PLCE1: variants seen among roughly 807,000 people sequenced by gnomAD.
PLCE1 encodes the protein phospholipase C epsilon 1.
In PLCE1, 119 loss-of-function variants were observed where a neutral mutation model predicts 242.8. The observed-to-expected ratio is 0.49, with a 90% CI of 0.42 to 0.57. PLCE1 has a LOEUF of 0.57. Ranked by LOEUF, PLCE1 falls within the 20% of genes least tolerant of loss-of-function variation. PLCE1 has a pLI of 0.00. For missense variants in PLCE1, 2,441 were observed against 2,788.8 expected (o/e 0.88, Z 2.81); for synonymous variants, 945 against 1,017.4 (o/e 0.93, Z 1.35).
intron 19 of PLCE1, among the ~76,000 whole-genome samples, chr10:94,274,614 CTGGAAGTGGT>C (rs2051877501): frequency 6.6e-6 from 1 of 152,106 alleles, no homozygotes; most frequent in South Asian, 2.1e-4. Flanking sequence ...TACAGGACAG[CTGGAAGTGGT>C]GAGGACAGGA....
intron 1 of PLCE1, among the ~76,000 whole-genome samples, chr10:94,027,234 G>C (rs183691308): frequency 6.6e-6 from 1 of 152,282 alleles, no homozygotes; most frequent in Non-Finnish European, 1.5e-5. Context: ...TGCTTTAGAT[G>C]TTCTTCCTCT....
chr10:94,114,696 G>C (rs1455363208), intron 2 of PLCE1, among the ~76,000 whole-genome samples: 1 of 151,540 alleles, frequency 6.6e-6, no homozygotes, highest in Non-Finnish European at 1.5e-5. Flanking sequence ...TTGTGCCCTA[G>C]ACCTCATGAT....
chr10:94,180,821 T>G (rs2048288352), intron 4 of PLCE1, among the ~76,000 whole-genome samples: 1 of 152,244 alleles, frequency 6.6e-6, no homozygotes, highest in Non-Finnish European at 1.5e-5. Context: ...TTTCACCTTC[T>G]GCCATGTGAG....
chr10:94,143,961 G>A (rs746528869), intron 3 of PLCE1, among the ~76,000 whole-genome samples: 10 of 152,276 alleles, frequency 6.6e-5, no homozygotes, highest in African/African-American at 1.9e-4. Flanking sequence ...TGACAGTAGC[G>A]GGTATTTTGC....
intron 2 of PLCE1, among the ~76,000 whole-genome samples, chr10:94,129,929 T>C (rs1297891872): frequency 6.6e-6 from 1 of 152,174 alleles, no homozygotes; most frequent in Non-Finnish European, 1.5e-5. Context: ...TTTCCTATGC[T>C]TACTCCCTGC....
intron 2 of PLCE1, among the ~76,000 whole-genome samples, chr10:94,123,261 G>A (rs931110351): frequency 2.0e-5 from 3 of 152,148 alleles, no homozygotes; most frequent in African/African-American, 7.2e-5. Context: ...TTGCAGCTGC[G>A]AAATTCCCAA....
intron 2 of PLCE1, among the ~76,000 whole-genome samples, chr10:94,085,611 A>G (rs938820632): frequency 1.3e-5 from 2 of 152,206 alleles, no homozygotes; most frequent in African/African-American, 4.8e-5. Flanking sequence ...AGTTTGTAGA[A>G]ACATTCCCCA....
intron 11 of PLCE1, among the ~76,000 whole-genome samples, chr10:94,256,596 A>G (rs1371231125): frequency 2.0e-5 from 3 of 152,206 alleles, no homozygotes; most frequent in Non-Finnish European, 4.4e-5. Context: ...CCTGTTTATT[A>G]TACTTTCAGC....
rs1198826858 is a variant in PLCE1, at chr10:94,192,120, C to T, written c.1809+20624C>T. 4.6e-5 allele frequency among the ~76,000 whole-genome samples: 7 copies of T among 152,326 alleles called. No individual in the cohort carries two copies. The East Asian group carries it at 7.7e-4, about 17-fold the overall frequency. On this transcript the variant is annotated intron_variant, in intron 4 of 32. Coordinates refer to ENST00000371380, the MANE Select transcript of PLCE1 (RefSeq NM_016341.4). ...GGAATGATTAAATCAAGCTAATTAA[C>T]ATATCCGTCACCTCAAATGCTTATC... is the stretch of plus-strand genomic sequence containing the variant.
At chr10:94,170,979 C>T (rs1368333940) in intron 3 of PLCE1, among the ~76,000 whole-genome samples, 2 of 152,172 alleles carry the variant, frequency 1.3e-5, no homozygotes, top group African/African-American at 2.4e-5. Context: ...CGCCACTCCA[C>T]CCCCACCTCA....
intron 4 of PLCE1, among the ~76,000 whole-genome samples, chr10:94,183,812 C>A (rs908766254): frequency 3.3e-5 from 5 of 151,922 alleles, no homozygotes; most frequent in African/African-American, 1.2e-4. Flanking sequence ...AGAATGAGAG[C>A]AAGAGAGAGA....
At chr10:94,094,666 A>C (rs1174486430) in intron 2 of PLCE1, 2 of 151,998 alleles carry the variant, frequency 1.3e-5, no homozygotes, top group Admixed American at 1.3e-4. Flanking sequence ...ATGGGTAACT[A>C]CTCTTACCAG....
At chr10:94,081,211 C>A (rs2044645651) in intron 2 of PLCE1, among the ~76,000 whole-genome samples, 1 of 151,834 alleles carries the variant, frequency 6.6e-6, no homozygotes, top group African/African-American at 2.4e-5. Flanking sequence ...TATTTTTCTT[C>A]TTGGTTTGTA....
intron 2 of PLCE1, among the ~76,000 whole-genome samples, chr10:94,058,066 G>C (rs568704372): frequency 6.6e-6 from 1 of 152,246 alleles, no homozygotes; most frequent in African/African-American, 2.4e-5. Flanking sequence ...TGTTAGCTAT[G>C]TGGCCATCTT....
rs774221459 is a variant in PLCE1, at chr10:94,221,947, A to G, written c.1810-5359A>G. ...GTCTCCTTTTTCTGGACCTGGGAACAGCACTGGGAAGTGTTCAGGCCTTTT... is the reference window on the plus strand; with the variant it reads ...GTCTCCTTTTTCTGGACCTGGGAACGGCACTGGGAAGTGTTCAGGCCTTTT... On this transcript the variant is annotated intron_variant, in intron 4 of 32. Transcript: ENST00000371380. Among the ~76,000 whole-genome samples the G allele has an allele frequency of 3.2e-4, 49 of 152,294 alleles. 1 individual carries two copies. The South Asian group carries it at 3.3e-3, about 10-fold the overall frequency.
chr10:94,241,111 G>A (rs2050490015), intron 7 of PLCE1, among the ~76,000 whole-genome samples: 1 of 152,160 alleles, frequency 6.6e-6, no homozygotes, highest in Non-Finnish European at 1.5e-5. Flanking sequence ...CTGGAAGATT[G>A]CTTTTTAATG....
At chr10:94,068,599 T>C (rs986626990) in intron 2 of PLCE1, among the ~76,000 whole-genome samples, 2 of 152,168 alleles carry the variant, frequency 1.3e-5, no homozygotes, top group African/African-American at 2.4e-5. Context: ...CAATGTCCCA[T>C]GGATACCGAG....
Position 94,283,862 on chromosome 10 carries a change from T to A in PLCE1, c.4868T>A (p.Ile1623Asn). Residue 1623 changes from isoleucine to asparagine, a missense_variant, in exon 21 of 33, where the codon ATC becomes AAC. Transcript: ENST00000371380. ...CTTCAGTTTGAATATAATGAAGAAA[T>A]CCCAAAGAGGATAAAGAAAGCAGAT... ...DKLQFEYNEE[I>N]PKRIKKADNS... The A allele has an allele frequency of 1.2e-6, 2 of 1,612,236 alleles. No individual in the cohort carries two copies. Among genetic ancestry groups the A allele is most frequent in the Non-Finnish European group, 8.5e-7 (1 of 1,178,750 alleles).
chr10:94,179,718 C>T (rs1311968855), intron 4 of PLCE1, among the ~76,000 whole-genome samples: 1 of 151,490 alleles, frequency 6.6e-6, no homozygotes, highest in Non-Finnish European at 1.5e-5. Flanking sequence ...GTTGTCCAGG[C>T]TGGCCTCAAA....
Sources: allele counts gnomAD v4.1 joint callset (sites outside exome capture counted in the v4.1 genomes callset), GRCh38; gene constraint gnomAD v4.1.1; transcripts MANE v1.5; gene names NCBI Gene and HGNC (gene_info 2026-07-23, HGNC 2026-07-21).